Variants in AMOTL1 observed in about 807,000 individuals in gnomAD.
AMOTL1 encodes angiomotin-like protein 1.
AMOTL1 carries 45 observed loss-of-function variants against 102.9 expected under a neutral mutation model. The ratio of observed to expected loss-of-function variants is 0.44; its 90% confidence interval spans 0.34 to 0.56. The LOEUF is 0.56. AMOTL1 is among the 20% of genes least tolerant of loss of function. The pLI is 0.01. For synonymous variants in AMOTL1, 481 were observed against 484.7 expected (o/e 0.99, Z 0.10); for missense variants, 1,114 against 1,225.6 (o/e 0.91, Z 1.36).
Position 94,858,670 on chromosome 11 carries a change from T to C in AMOTL1, c.1945-855T>C, listed in dbSNP as rs146350649. Among the ~76,000 whole-genome samples the C allele has an allele frequency of 9.2e-3, 1,398 of 152,304 alleles. 17 individuals are homozygous for C. Among genetic ancestry groups the C allele is most frequent in the South Asian group, 0.05 (242 of 4,818 alleles). ...ATTCTCCCTGGAGTACTAAGGAGCC[T>C]GGTCCACACTCTGACTGGGCCCCTA... On this transcript the variant is annotated intron_variant, in intron 8 of 12. Transcript: ENST00000433060.
chr11:94,755,196 G>A (rs190000655), intron 3 of AMOTL1, among the ~76,000 whole-genome samples: 2 of 152,184 alleles, frequency 1.3e-5, no homozygotes, highest in Non-Finnish European at 2.9e-5. Context: ...GATTTGATGC[G>A]TGCTTCACTG....
intron 6 of AMOTL1, among the ~76,000 whole-genome samples, chr11:94,837,140 A>G (rs1042778727): frequency 6.6e-6 from 1 of 152,198 alleles, no homozygotes; most frequent in Admixed American, 6.5e-5. Flanking sequence ...TCTAAAAATC[A>G]AAGTTTTGTA....
chr11:94,711,102 TG>T (rs1355910424), intron 1 of AMOTL1, among the ~76,000 whole-genome samples: 1 of 152,118 alleles, frequency 6.6e-6, no homozygotes, highest in Non-Finnish European at 1.5e-5. Context: ...GAGAGCCAAA[TG>T]TGAATATTAA....
chr11:94,746,531 C>T (rs1481721896), intron 3 of AMOTL1, among the ~76,000 whole-genome samples: 1 of 152,186 alleles, frequency 6.6e-6, no homozygotes, highest in African/African-American at 2.4e-5. Flanking sequence ...CTACATTCAG[C>T]TTGGTTTCCT....
intron 2 of AMOTL1, among the ~76,000 whole-genome samples, chr11:94,797,378 A>T (rs143156789): frequency 9.9e-4 from 151 of 152,348 alleles, no homozygotes; most frequent in African/African-American, 3.5e-3. Flanking sequence ...TTTTTATTTC[A>T]TGGAGCTCAT....
intron 2 of AMOTL1, among the ~76,000 whole-genome samples, chr11:94,729,277 G>A (rs1345494167): frequency 6.6e-6 from 1 of 152,108 alleles, no homozygotes; most frequent in African/African-American, 2.4e-5. Context: ...GTCATTCCCT[G>A]GGCTCTAACA....
chr11:94,755,049 G>A (rs1950704459), intron 3 of AMOTL1, among the ~76,000 whole-genome samples: 1 of 152,142 alleles, frequency 6.6e-6, no homozygotes, highest in Non-Finnish European at 1.5e-5. Flanking sequence ...CAGGTATTCA[G>A]TTGCCACTTG....
intron 3 of AMOTL1, among the ~76,000 whole-genome samples, chr11:94,808,742 A>G (rs1481742813): frequency 6.6e-6 from 1 of 152,220 alleles, no homozygotes; most frequent in Non-Finnish European, 1.5e-5. Flanking sequence ...AACATGAGCC[A>G]CATATCTCAT....
chr11:94,874,812 G>A lies in AMOTL1; in HGVS notation c.*4017G>A, dbSNP rs2135755146. On this transcript the variant is annotated 3_prime_UTR_variant, in exon 13 of 13. Coordinates refer to ENST00000433060, the MANE Select transcript of AMOTL1 (RefSeq NM_130847.3). ...TGGATAATAGATTGGGGCATTAAAA[G>A]CTTTTGAGGCAGGGGGCTCATGTTT... is the stretch of plus-strand genomic sequence containing the variant. The A allele has an allele frequency of 6.6e-6, 1 of 152,312 alleles. No individual in the cohort carries two copies. The highest frequency in any genetic ancestry group is 1.9e-4 in the East Asian group (1 of 5,178). 9.4% of individuals were successfully genotyped at this position (152,312 alleles called of 1,614,324 possible).
At chr11:94,714,972 G>A (rs113846230) in intron 1 of AMOTL1, among the ~76,000 whole-genome samples, 2,207 of 151,946 alleles carry the variant, frequency 0.015, 64 homozygotes, top group African/African-American at 0.05. Flanking sequence ...ACTGACTTGC[G>A]ATTATTTCTC....
intron 3 of AMOTL1, among the ~76,000 whole-genome samples, chr11:94,805,314 C>T (rs1951550104): frequency 1.3e-5 from 2 of 152,136 alleles, no homozygotes; most frequent in Non-Finnish European, 2.9e-5. Context: ...ACCTCTTTTT[C>T]TTCAGATATC....
intron 12 of AMOTL1, 29 bp from the exon 13 acceptor site, chr11:94,870,660 G>T: frequency 1.3e-6 from 2 of 1,549,072 alleles, no homozygotes; most frequent in East Asian, 4.7e-5. Flanking sequence ...TGAGGAATGG[G>T]CAGCTGATGT....
In AMOTL1 at chr11:94,874,293, G is replaced by A. The variant is rs1042118532; in HGVS notation, c.*3498G>A. ...AGAGCATGTGCAGAACCCTTTCTTAGCGTTTTCTTCTCAGCATTTTCTCTG... is the reference window on the plus strand; with the variant it reads ...AGAGCATGTGCAGAACCCTTTCTTAACGTTTTCTTCTCAGCATTTTCTCTG... On this transcript the variant is annotated 3_prime_UTR_variant, in exon 13 of 13. Transcript: ENST00000433060. 3 of 152,254 alleles carry A rather than the reference G, an allele frequency of 2.0e-5. No individual in the cohort carries two copies. 9.4% of individuals were successfully genotyped at this position (152,254 alleles called of 1,614,324 possible). A position where few individuals can be genotyped will look rare whatever the true frequency, so the allele number is the denominator to read the frequency against.
At chr11:94,743,651 C>CTTTTTTTTTTTTTTTTTTT (rs760828820) in intron 3 of AMOTL1, among the ~76,000 whole-genome samples, 3 of 98,188 alleles carry the variant, frequency 3.1e-5, no homozygotes, top group East Asian at 3.3e-4. Flanking sequence ...CACAATACTT[C>CTTTTTTTTTTTTTTTTTTT]TTTTTTTTTT....
intron 8 of AMOTL1, among the ~76,000 whole-genome samples, chr11:94,854,360 A>G (rs1476555778): frequency 6.6e-6 from 1 of 152,172 alleles, no homozygotes; most frequent in Non-Finnish European, 1.5e-5. Context: ...AAGACATTTG[A>G]GCTGGACATT....
chr11:94,816,241 A>G (rs770654309), intron 3 of AMOTL1, among the ~76,000 whole-genome samples: 15 of 152,056 alleles, frequency 9.9e-5, no homozygotes, highest in Non-Finnish European at 1.8e-4. Context: ...CGTAAGTTTT[A>G]TTCCTCGGGT....
chr11:94,852,836 C>A (rs372739818), intron 7 of AMOTL1, among the ~76,000 whole-genome samples: 4 of 152,204 alleles, frequency 2.6e-5, no homozygotes, highest in African/African-American at 9.6e-5. Context: ...TTTATTTATG[C>A]ACACATACAT....
In AMOTL1 at chr11:94,721,599, A is replaced by G. The variant is rs921741314; in HGVS notation, c.-50-7322A>G. 2.6e-4 allele frequency among the ~76,000 whole-genome samples: 39 copies of G among 152,130 alleles called. 1 individual carries two copies. Among genetic ancestry groups the G allele is most frequent in the Admixed American group, 1.4e-3 (22 of 15,284 alleles). ...TGCTCTGTCTTTCCACTACATGAGG[A>G]CACAGGGAGAAGGTGGTCATCAGCA... is the stretch of plus-strand genomic sequence containing the variant. On this transcript the variant is annotated intron_variant, in intron 1 of 4. Transcript: ENST00000299004.
chr11:94,750,557 G>C (rs1292693423), intron 3 of AMOTL1, among the ~76,000 whole-genome samples: 1 of 152,166 alleles, frequency 6.6e-6, no homozygotes, highest in Non-Finnish European at 1.5e-5. Context: ...TGGGCTACGT[G>C]TGCGTAGCCT....
Sources: allele counts gnomAD v4.1 joint callset (sites outside exome capture counted in the v4.1 genomes callset), GRCh38; gene constraint gnomAD v4.1.1; transcripts MANE v1.5; gene names NCBI Gene and HGNC (gene_info 2026-07-23, HGNC 2026-07-21).